Variants in ADCY5 observed in about 807,000 individuals in gnomAD.
The protein encoded by ADCY5 is adenylate cyclase type 5.
In ADCY5, 30 loss-of-function variants were observed where a neutral mutation model predicts 119.7. The ratio of observed to expected loss-of-function variants is 0.25; its 90% CI spans 0.19 to 0.34. The LOEUF (loss-of-function observed/expected upper bound fraction) is 0.34, where lower values mean the gene tolerates loss of function less well. ADCY5 is among the 10% of genes least tolerant of loss of function. ADCY5 has a pLI of 1.00. For missense variants in ADCY5, 1,324 were observed against 1,775.2 expected (o/e 0.75, Z 4.57); for synonymous variants, 753 against 762.2 (o/e 0.99, Z 0.20).
intron 1 of ADCY5, among the ~76,000 whole-genome samples, chr3:123,390,278 G>C (rs987803565): frequency 6.6e-6 from 1 of 152,222 alleles, no homozygotes; most frequent in Non-Finnish European, 1.5e-5. Context: ...GCTAGTGGCC[G>C]GATGTCAAAG....
At position 123,284,564 on chromosome 3, in the gene ADCY5, T is replaced by C; in HGVS notation, c.*44A>G. 2.5e-6 allele frequency: 4 copies of C among 1,611,092 alleles called. No individual in the cohort carries two copies. Among genetic ancestry groups the C allele is most frequent in the Non-Finnish European group, 3.4e-6 (4 of 1,177,684 alleles). On this transcript the variant is annotated 3_prime_UTR_variant, in exon 21 of 21. Coordinates refer to ENST00000462833, the MANE Select transcript of ADCY5 (RefSeq NM_183357.3). ...CCGGCACACAGAGAAGCTGCTTCCA[T>C]GCCTCTGGAGGCCAGGCTGCCTGGC...
chr3:123,357,322 C>A (rs1411516999), intron 1 of ADCY5, among the ~76,000 whole-genome samples: 2 of 151,820 alleles, frequency 1.3e-5, no homozygotes, highest in Non-Finnish European at 2.9e-5. Context: ...GAAAGAGTGG[C>A]CTTCCCTCTT....
intron 3 of ADCY5, among the ~76,000 whole-genome samples, chr3:123,339,102 G>T (rs1201143163): frequency 1.3e-5 from 2 of 152,210 alleles, no homozygotes; most frequent in Non-Finnish European, 2.9e-5. Flanking sequence ...CTCCCAGGAA[G>T]TTGGGAGCTG....
chr3:123,336,509 T>C (rs1441560818), intron 3 of ADCY5, among the ~76,000 whole-genome samples: 2 of 152,220 alleles, frequency 1.3e-5, no homozygotes, highest in African/African-American at 4.8e-5. Flanking sequence ...AGGCCTGGCT[T>C]TGGGGGCTGG....
chr3:123,347,179 G>C (rs115768060), intron 3 of ADCY5, among the ~76,000 whole-genome samples: 1,572 of 152,154 alleles, frequency 0.01, 33 homozygotes, highest in African/African-American at 0.035. Flanking sequence ...CCACGTTCTG[G>C]ATTTGTCCAG....
intron 12 of ADCY5, among the ~76,000 whole-genome samples, chr3:123,310,542 T>C (rs1478820271): frequency 6.6e-6 from 1 of 152,192 alleles, no homozygotes; most frequent in South Asian, 2.1e-4. Flanking sequence ...TCTCACTGCA[T>C]GGGCCCCTTC....
intron 14 of ADCY5, 57 bp from the exon 15 acceptor site, chr3:123,300,352 G>A: frequency 6.4e-7 from 1 of 1,567,134 alleles, no homozygotes; most frequent in Non-Finnish European, 8.7e-7. Context: ...CCCGGGCCCT[G>A]GCCCCATGCA....
At position 123,447,439 on chromosome 3, in the gene ADCY5, G is replaced by A. The variant is rs370271033; in HGVS notation, c.1107C>T (p.Asn369=). 1.3e-6 allele frequency: 2 copies of A among 1,599,348 alleles called. No homozygotes were observed. The highest frequency in any genetic ancestry group is 1.7e-5 in the Admixed American group (1 of 59,046). The change falls in exon 1 of 21, where the codon AAC becomes AAT. Residue 369 remains asparagine, a synonymous_variant. Coordinates refer to ENST00000462833, the MANE Select transcript of ADCY5 (RefSeq NM_183357.3). ...ALHLAIALRT[N]AQDQFLLKQL... ...GCTTCAGCAGGAACTGGTCCTGGGC[G>A]TTGGTGCGCAGGGCGATGGCCAGGT...
At chr3:123,372,648 G>T (rs1370338746) in intron 1 of ADCY5, among the ~76,000 whole-genome samples, 1 of 152,078 alleles carries the variant, frequency 6.6e-6, no homozygotes, top group East Asian at 1.9e-4. Context: ...AAAACCACTG[G>T]GTGCCTGTGC....
chr3:123,413,295 G>C (rs111645485), intron 1 of ADCY5, among the ~76,000 whole-genome samples: 1 of 152,208 alleles, frequency 6.6e-6, no homozygotes, highest in Non-Finnish European at 1.5e-5. Context: ...AACTGAAGCA[G>C]GCAGGAGCAC....
chr3:123,286,693 G>T lies in ADCY5; in HGVS notation c.3649C>A (p.Arg1217Ser). ...SRMDSTGVPD[R>S]IQVTTDMYQV... ...GATGCTCCTGCACTCACCTGGATGC[G>T]GTCGGGTACACCGGTGCTGTCCATG... Residue 1217 changes from arginine (R) to serine (S), a missense_variant, in exon 20 of 21, where the codon CGC (arginine) becomes AGC (serine). Physicochemically the swap from Arg to Ser is moderately radical, Grantham distance 110. This residue lies in a region of ADCY5 where 178 missense variants were observed against 329.6 expected (regional missense o/e 0.54). Coordinates refer to ENST00000462833, the MANE Select transcript of ADCY5 (RefSeq NM_183357.3). This position sits in a 1 kb window ranked among gnomAD's most constrained non-coding sequence, Gnocchi z 4.2. 6.2e-7 allele frequency: 1 copy of T among 1,611,044 alleles called. No individual in the cohort carries two copies. Among genetic ancestry groups the T allele is most frequent in the Non-Finnish European group, 8.5e-7 (1 of 1,178,588 alleles).
intron 1 of ADCY5, among the ~76,000 whole-genome samples, chr3:123,431,459 TGAGA>T (rs1945521786): frequency 6.9e-6 from 1 of 144,594 alleles, no homozygotes; most frequent in South Asian, 2.2e-4. Context: ...AAAAAAAAAA[TGAGA>T]GAGAGGAGGA....
At position 123,291,346 on chromosome 3, in the gene ADCY5, G is replaced by A. The variant is rs374876174; in HGVS notation, c.3094C>T (p.Leu1032=). The change falls in exon 18 of 21, where the codon CTG becomes TTG. Residue 1032 remains leucine, a synonymous_variant. Transcript: ENST00000462833. ...AGCAGCCGCCGGTTGTAGGCCTGCA[G>A]CTCCTCCATCTCCTCTTTCTCCTCT... ...ATEEKEEMEE[L]QAYNRRLLHN... 1.2e-6 allele frequency: 2 copies of A among 1,613,626 alleles called. No individual in the cohort carries two copies. Among genetic ancestry groups the A allele is most frequent in the Non-Finnish European group, 1.7e-6 (2 of 1,179,872 alleles).
At position 123,448,118 on chromosome 3, in the gene ADCY5, G is replaced by A. The variant is rs1319005751; in HGVS notation, c.428C>T (p.Ala143Val). The A allele has an allele frequency of 4.6e-6, 5 of 1,075,356 alleles. No homozygotes were observed. The highest frequency in any genetic ancestry group is 5.6e-6 in the Non-Finnish European group (5 of 892,582). The allele number at this position is 1,075,356 out of a possible 1,614,324, so 66.6% of individuals were successfully genotyped here. ...AGGGGGSAAA[A>V]ASAGGTEVRP... The stretch of plus-strand genomic sequence containing the variant: ...CACCTCCGTCCCGCCCGCCGAGGCA[G>A]CCGCCGCCGCCGAGCCGCCGCCGCC... Residue 143 changes from alanine to valine, a missense_variant, in exon 1 of 21, where the codon GCT (alanine) becomes GTT (valine). This residue lies in a region of ADCY5 where 585 missense variants were observed against 569.9 expected (regional missense o/e 1.03). Transcript: ENST00000462833.
chr3:123,296,367 C>G (rs554029464), intron 16 of ADCY5, 151 bp from the exon 17 acceptor site: 4 of 924,492 alleles, frequency 4.3e-6, no homozygotes, highest in Non-Finnish European at 6.3e-6. Flanking sequence ...TTGCCGCACG[C>G]GTGCCTCCTC....
At chr3:123,398,452 T>C (rs970567954) in intron 1 of ADCY5, among the ~76,000 whole-genome samples, 3 of 151,990 alleles carry the variant, frequency 2.0e-5, no homozygotes, top group Non-Finnish European at 2.9e-5. Context: ...ATCTGAATAA[T>C]GTCTGACCAT....
chr3:123,408,889 C>T (rs183308659), intron 1 of ADCY5, among the ~76,000 whole-genome samples: 1 of 151,784 alleles, frequency 6.6e-6, no homozygotes, highest in African/African-American at 2.4e-5. Flanking sequence ...ACAGGAGAAT[C>T]GTTTGAACCC....
chr3:123,284,424 G>T lies in ADCY5; in HGVS notation c.*184C>A. ...GGTGCTCGCAGGACGCTGGCACCCC[G>T]GGGCCTGGGACAGAGGCCGCTGCCC... On this transcript the variant is annotated 3_prime_UTR_variant, in exon 21 of 21. Coordinates refer to ENST00000462833, the MANE Select transcript of ADCY5 (RefSeq NM_183357.3). 1 of 904,268 alleles carries T rather than the reference G, an allele frequency of 1.1e-6. No homozygotes were observed. Among genetic ancestry groups the T allele is most frequent in the Non-Finnish European group, 1.6e-6 (1 of 616,944 alleles). The allele number at this position is 904,268 out of a possible 1,614,324, so 56.0% of individuals were successfully genotyped here.
At chr3:123,409,256 A>T (rs1944984175) in intron 1 of ADCY5, among the ~76,000 whole-genome samples, 1 of 152,058 alleles carries the variant, frequency 6.6e-6, no homozygotes, top group Non-Finnish European at 1.5e-5. Flanking sequence ...TCCACTCAAC[A>T]CCTAGTTCCT....
Sources: gnomAD v4.1 joint callset for allele counts (sites outside exome capture counted in the v4.1 genomes callset) on GRCh38, gnomAD v4.1.1 for gene constraint, gnomAD v4.1.1 regional missense constraint, Gnocchi (gnomAD v3.1) non-coding constraint, MANE v1.5 for transcripts, NCBI Gene and HGNC (gene_info 2026-07-23, HGNC 2026-07-21) for gene names.